GON4L: variants seen among roughly 807,000 people sequenced by gnomAD.
GON4L encodes gon-4 like.
A neutral mutation model predicts 211.8 loss-of-function variants in GON4L; 87 were observed. That is an observed-to-expected ratio of 0.41 (90% CI 0.35 to 0.49). GON4L has a LOEUF of 0.49. Ranked by LOEUF, GON4L falls within the 20% of genes least tolerant of loss-of-function variation. The pLI is 0.15. For missense variants in GON4L, 2,155 were observed against 2,659.5 expected (o/e 0.81, Z 4.17); for synonymous variants, 875 against 962.6 (o/e 0.91, Z 1.68).
rs975611404 is a variant in GON4L, at chr1:155,773,226, T to C, written c.2351-16A>G. The C allele has an allele frequency of 1.2e-6, 2 of 1,613,852 alleles. No homozygotes were observed. Among genetic ancestry groups the C allele is most frequent in the Admixed American group, 3.3e-5 (2 of 59,964 alleles). On this transcript the variant is annotated splice_polypyrimidine_tract_variant and intron_variant, in intron 17 of 31. Transcript: ENST00000368331. ...AATTCATTCGCTATAAGAAAATAAA[T>C]CTCGGATAAATCAACTTCTAGGACA... is the stretch of plus-strand genomic sequence containing the variant.
intron 2 of GON4L, among the ~76,000 whole-genome samples, chr1:155,832,279 C>CAA (rs71080731): frequency 2.5e-3 from 143 of 57,166 alleles, no homozygotes; most frequent in African/African-American, 4.0e-3. Flanking sequence ...GACTCCGTCT[C>CAA]AAAAAAAAAA....
At chr1:155,781,386 T>A (rs1396851116) in intron 14 of GON4L, among the ~76,000 whole-genome samples, 3 of 152,044 alleles carry the variant, frequency 2.0e-5, no homozygotes. Flanking sequence ...CCTCAGGTGA[T>A]ATGCCTGCTT....
intron 29 of GON4L, among the ~76,000 whole-genome samples, chr1:155,752,948 G>A (rs1660765414): frequency 6.6e-6 from 1 of 152,164 alleles, no homozygotes; most frequent in African/African-American, 2.4e-5. Context: ...GGAGACAGGG[G>A]GAAGGGTTTT....
intron 5 of GON4L, 48 bp from the exon 6 acceptor site, chr1:155,820,704 C>A: frequency 7.3e-7 from 1 of 1,378,356 alleles, no homozygotes; most frequent in South Asian, 1.2e-5. Flanking sequence ...AATCACAGCT[C>A]AGTGAGGTGG....
chr1:155,750,392 A>G lies in GON4L; in HGVS notation c.*192T>C, dbSNP rs901964129. 102 of 626,534 alleles carry G rather than the reference A, an allele frequency of 1.6e-4. No homozygotes were observed. The highest frequency in any genetic ancestry group is 2.7e-4 in the Non-Finnish European group (95 of 347,906). The allele number at this position is 626,534 out of a possible 1,614,324, so 38.8% of individuals were successfully genotyped here. A position where few individuals can be genotyped will look rare whatever the true frequency, so the allele number is the denominator to read the frequency against. ...GACATCTGTAAAGTCTTCATAAAAGACCTTGAATGATGCCTAGGATGGCAG... is the reference window on the plus strand; with the variant it reads ...GACATCTGTAAAGTCTTCATAAAAGGCCTTGAATGATGCCTAGGATGGCAG... On this transcript the variant is annotated 3_prime_UTR_variant, in exon 32 of 32. Coordinates refer to ENST00000368331, the MANE Select transcript of GON4L (RefSeq NM_001282860.2).
chr1:155,818,010 G>A, intron 6 of GON4L, among the ~76,000 whole-genome samples: 1 of 151,746 alleles, frequency 6.6e-6, no homozygotes, highest in Non-Finnish European at 1.5e-5. Flanking sequence ...TACCGTCTTG[G>A]ATGGCCCAAC....
rs190669814 is a variant in GON4L, at chr1:155,850,945, T to G, written c.505+2331A>C. Among the ~76,000 whole-genome samples the G allele has an allele frequency of 3.4e-5, 5 of 147,714 alleles. No homozygotes were observed. In the East Asian group the frequency reaches 1.0e-3, roughly 30 times the overall value. On this transcript the variant is annotated intron_variant, in intron 2 of 31. Transcript: ENST00000368331. Reference sequence around the variant, plus strand: ...GGCAGCGTGTGCCTGTAGTCCTAGCTACTTGGGAGGCTGAGGCAGAATTGC... The same window carrying G: ...GGCAGCGTGTGCCTGTAGTCCTAGCGACTTGGGAGGCTGAGGCAGAATTGC...
intron 6 of GON4L, among the ~76,000 whole-genome samples, chr1:155,819,951 G>A (rs760762460): frequency 2.0e-5 from 3 of 152,138 alleles, no homozygotes; most frequent in Middle Eastern, 3.4e-3. Flanking sequence ...GTTTCACTCC[G>A]TTGCCCAGGC....
Position 155,813,618 on chromosome 1 carries a change from C to A in GON4L, c.1452+16G>T, listed in dbSNP as rs763582751. On this transcript the variant is annotated intron_variant, in intron 10 of 31. Transcript: ENST00000368331. ...TCCACTTGACTTTCTCAGTTAAGTA[C>A]AGTTTTAATATTTACCTGGAAAGAA... 68 of 1,591,364 alleles carry A rather than the reference C, an allele frequency of 4.3e-5. No homozygotes were observed. The Admixed American group carries it at 1.1e-3, about 27-fold the overall frequency.
rs1467622149 is a variant in GON4L at position 155,750,727 on chromosome 1, G to T, written c.6583C>A (p.His2195Asn). The stretch of plus-strand genomic sequence containing the variant: ...AGCTGCATGAGTTCTCGAAAACGGT[G>T]GGAAACCTAAGAAAGGAGGAGGGCT... Reference protein sequence around the residue: ...LGNKTPAEVSHRFRELMQLFH... With the variant: ...LGNKTPAEVSNRFRELMQLFH... Residue 2195 changes from histidine (H) to asparagine (N), a missense_variant, in exon 32 of 32, where the codon CAC (histidine) becomes AAC (asparagine). Physicochemically the swap from His to Asn is moderately conservative, Grantham distance 68. Coordinates refer to ENST00000368331, the MANE Select transcript of GON4L (RefSeq NM_001282860.2). The T allele has an allele frequency of 3.8e-6, 6 of 1,582,716 alleles. No homozygotes were observed. The highest frequency in any genetic ancestry group is 3.7e-5 in the Admixed American group (2 of 53,944).
chr1:155,848,946 G>A (rs111738962), intron 2 of GON4L, among the ~76,000 whole-genome samples: 9,940 of 148,386 alleles, frequency 0.067, 402 homozygotes, highest in African/African-American at 0.11. Flanking sequence ...TCAGGAGTTC[G>A]AGACCAGGCT....
intron 2 of GON4L, among the ~76,000 whole-genome samples, chr1:155,830,558 C>T (rs1669663037): frequency 6.6e-6 from 1 of 151,618 alleles, no homozygotes; most frequent in Admixed American, 6.6e-5. Context: ...ATTACAGGCA[C>T]GAGCCACCGC....
chr1:155,751,920 T>C (rs753912074), intron 30 of GON4L, 40 bp downstream of exon 30: 1 of 1,612,678 alleles, frequency 6.2e-7, no homozygotes, highest in Non-Finnish European at 8.5e-7. Flanking sequence ...GGATGTGGTC[T>C]ATGCTCTTTT....
At chr1:155,827,827 G>T (rs1281656160) in intron 2 of GON4L, among the ~76,000 whole-genome samples, 1 of 151,630 alleles carries the variant, frequency 6.6e-6, no homozygotes, top group Non-Finnish European at 1.5e-5. Flanking sequence ...ACATATCGAG[G>T]CTTTGTCTCT....
rs138078494 is a variant in GON4L, at chr1:155,753,008, T to C, written c.5842+196A>G. Among the ~76,000 whole-genome samples, 397 of 152,296 alleles carry C rather than the reference T, an allele frequency of 2.6e-3. 1 individual carries two copies. The highest frequency in any genetic ancestry group is 4.4e-3 in the Admixed American group (67 of 15,302). ...GAATTGCATGAAATTTGTGGCATTC[T>C]TAATTCTGCAAGAGGAGTGAGGCCA... is the stretch of plus-strand genomic sequence containing the variant. On this transcript the variant is annotated intron_variant, in intron 29 of 31. Transcript: ENST00000368331.
chr1:155,759,363 G>A (rs1413806422), intron 24 of GON4L, among the ~76,000 whole-genome samples: 6 of 152,012 alleles, frequency 3.9e-5, no homozygotes, highest in Admixed American at 1.3e-4. Flanking sequence ...CCTGAGGTCT[G>A]GAGTTCGAGA....
In GON4L at chr1:155,766,721, A is replaced by G; in HGVS notation, c.2764-12T>C. ...GATGGCAGACTGGCCTATTGGAAAC[A>G]AGAACACTCTGATCCAGCATATGTC... is the stretch of plus-strand genomic sequence containing the variant. On this transcript the variant is annotated splice_polypyrimidine_tract_variant and intron_variant, in intron 20 of 31. Transcript: ENST00000368331. The G allele has an allele frequency of 1.2e-6, 2 of 1,614,016 alleles. No homozygotes were observed. The highest frequency in any genetic ancestry group is 1.1e-5 in the South Asian group (1 of 91,066).
chr1:155,818,037 T>C (rs541193565), intron 6 of GON4L, among the ~76,000 whole-genome samples: 2 of 152,164 alleles, frequency 1.3e-5, no homozygotes, highest in South Asian at 4.1e-4. Context: ...ACATCTATAT[T>C]CATGGCCAAT....
Position 155,824,434 on chromosome 1 carries a change from C to CAAAAAAAA in GON4L, c.698-1966_698-1959dup, listed in dbSNP as rs769823401. On this transcript the variant is annotated intron_variant, in intron 3 of 31. Coordinates refer to ENST00000368331, the MANE Select transcript of GON4L (RefSeq NM_001282860.2). The stretch of plus-strand genomic sequence containing the variant: ...GGGTGACGAGAGCAAAACTCCACAT[C>CAAAAAAAA]AAAAAAAAAAAAAAAAAAAAAAAAA... 3.9e-3 allele frequency among the ~76,000 whole-genome samples: 29 copies of CAAAAAAAA among 7,440 alleles called. 6 individuals are homozygous for CAAAAAAAA. The highest frequency in any genetic ancestry group is 9.4e-3 in the African/African-American group (18 of 1,922). 4.9% of individuals were successfully genotyped at this position (7,440 alleles called of 152,430 possible). A position where few individuals can be genotyped will look rare whatever the true frequency, so the allele number is the denominator to read the frequency against.
Sources: allele counts gnomAD v4.1 joint callset (sites outside exome capture counted in the v4.1 genomes callset), GRCh38; gene constraint gnomAD v4.1.1; transcripts MANE v1.5; gene names NCBI Gene and HGNC (gene_info 2026-07-23, HGNC 2026-07-21).